IQCJ: variants seen among roughly 807,000 people sequenced by gnomAD.
IQCJ encodes the protein IQ domain-containing protein J.
IQCJ carries 9 observed loss-of-function variants against 11.0 expected under a neutral mutation model. The observed-to-expected ratio is 0.82, with a 90% CI of 0.49 to 1.43. The LOEUF (loss-of-function observed/expected upper bound fraction) is 1.43, where lower values mean the gene tolerates loss of function less well. IQCJ is among the 40% of genes most tolerant of loss of function. The pLI, the probability that IQCJ is intolerant of heterozygous loss-of-function variation, is 0.00. For synonymous variants in IQCJ, 55 were observed against 51.3 expected (o/e 1.07, Z -0.31); for missense variants, 146 against 133.2 (o/e 1.10, Z -0.47).
At position 159,192,534 on chromosome 3, in the gene IQCJ, T is replaced by C. The variant is rs562659492; in HGVS notation, c.10-53309T>C. 3.3e-5 allele frequency among the ~76,000 whole-genome samples: 5 copies of C among 152,278 alleles called. 1 individual carries two copies. In the South Asian group the frequency reaches 1.0e-3, roughly 32 times the overall value. ...GACCTCAGCTAGTCCTACTGGGAACTCTGGAGCTAGCATGGCCCTTCAGAG... is the reference window on the plus strand; with the variant it reads ...GACCTCAGCTAGTCCTACTGGGAACCCTGGAGCTAGCATGGCCCTTCAGAG... On this transcript the variant is annotated intron_variant, in intron 1 of 3. Transcript: ENST00000397832.
chr3:159,072,092 G>C (rs971449614), intron 1 of IQCJ, among the ~76,000 whole-genome samples: 1 of 152,130 alleles, frequency 6.6e-6, no homozygotes, highest in African/African-American at 2.4e-5. Context: ...GGAAGCTCCT[G>C]TTTAAAGATA....
intron 1 of IQCJ, among the ~76,000 whole-genome samples, chr3:159,234,391 G>T (rs969056617): frequency 6.6e-6 from 1 of 152,190 alleles, no homozygotes; most frequent in African/African-American, 2.4e-5. Context: ...AATGAATTTT[G>T]AAGAATTTCA....
intron 1 of IQCJ, among the ~76,000 whole-genome samples, chr3:159,216,227 C>A (rs1214445998): frequency 2.6e-5 from 4 of 152,182 alleles, no homozygotes; most frequent in African/African-American, 9.6e-5. Flanking sequence ...GTGCATCACA[C>A]AGATGTAGGT....
At chr3:159,074,154 T>G (rs1715761960) in intron 1 of IQCJ, among the ~76,000 whole-genome samples, 1 of 152,080 alleles carries the variant, frequency 6.6e-6, no homozygotes, top group South Asian at 2.1e-4. Flanking sequence ...AGAAGTAACA[T>G]GATCAAAATA....
At chr3:159,123,631 A>G (rs1210103753) in intron 1 of IQCJ, among the ~76,000 whole-genome samples, 2 of 152,152 alleles carry the variant, frequency 1.3e-5, no homozygotes, top group Non-Finnish European at 2.9e-5. Flanking sequence ...GCTGGGGGCT[A>G]GGCACTAAGG....
intron 1 of IQCJ, among the ~76,000 whole-genome samples, chr3:159,236,379 A>G (rs1726592877): frequency 6.6e-6 from 1 of 152,022 alleles, no homozygotes; most frequent in South Asian, 2.1e-4. Context: ...ATATGAGATG[A>G]CTATTAATGC....
chr3:159,241,596 C>T (rs899896860), intron 1 of IQCJ, among the ~76,000 whole-genome samples: 8 of 152,074 alleles, frequency 5.3e-5, no homozygotes, highest in African/African-American at 1.9e-4. Flanking sequence ...TCAGTTAGTA[C>T]CTGTCACAGA....
intron 3 of IQCJ, among the ~76,000 whole-genome samples, chr3:159,261,891 T>C (rs1728231381): frequency 6.6e-6 from 1 of 152,268 alleles, no homozygotes; most frequent in African/African-American, 2.4e-5. Flanking sequence ...TTGAATAATC[T>C]TTGTCCATTT....
intron 1 of IQCJ, among the ~76,000 whole-genome samples, chr3:159,182,372 T>C (rs1036878897): frequency 6.6e-6 from 1 of 151,968 alleles, no homozygotes; most frequent in African/African-American, 2.4e-5. Flanking sequence ...CCTTTACATG[T>C]GGAGTTCTGC....
At chr3:159,167,190 A>AT (rs1453004791) in intron 1 of IQCJ, among the ~76,000 whole-genome samples, 21 of 152,210 alleles carry the variant, frequency 1.4e-4, no homozygotes, top group Non-Finnish European at 1.9e-4. Flanking sequence ...AATCTACTGG[A>AT]TTCAGCTACT....
At chr3:159,108,292 T>C (rs1718399459) in intron 1 of IQCJ, among the ~76,000 whole-genome samples, 1 of 152,196 alleles carries the variant, frequency 6.6e-6, no homozygotes, top group Non-Finnish European at 1.5e-5. Context: ...GTTACTTCAT[T>C]TGCATTTATT....
At chr3:159,224,865 A>G (rs139719760) in intron 1 of IQCJ, among the ~76,000 whole-genome samples, 1 of 152,202 alleles carries the variant, frequency 6.6e-6, no homozygotes, top group Non-Finnish European at 1.5e-5. Context: ...AATATATAAC[A>G]AATTCTTTTT....
At chr3:159,153,240 C>T (rs1272488004) in intron 1 of IQCJ, among the ~76,000 whole-genome samples, 1 of 152,140 alleles carries the variant, frequency 6.6e-6, no homozygotes, top group African/African-American at 2.4e-5. Flanking sequence ...ACCATACATC[C>T]TTACAATGCA....
At chr3:159,151,722 A>G (rs556411088) in intron 1 of IQCJ, among the ~76,000 whole-genome samples, 11 of 152,096 alleles carry the variant, frequency 7.2e-5, no homozygotes, top group South Asian at 2.1e-4. Flanking sequence ...TGCAAGCTCC[A>G]CCTCCCAGGT....
At chr3:159,242,202 G>A (rs570674536) in intron 1 of IQCJ, among the ~76,000 whole-genome samples, 2 of 152,300 alleles carry the variant, frequency 1.3e-5, no homozygotes, top group African/African-American at 2.4e-5. Context: ...GTGGGGGTTC[G>A]TGTTACATAC....
At chr3:159,230,894 A>C (rs1221676012) in intron 1 of IQCJ, among the ~76,000 whole-genome samples, 2 of 152,170 alleles carry the variant, frequency 1.3e-5, no homozygotes, top group Non-Finnish European at 2.9e-5. Context: ...GGGGGTGTGT[A>C]GGAAAAATAG....
intron 1 of IQCJ, among the ~76,000 whole-genome samples, chr3:159,200,056 A>T (rs1320079881): frequency 1.5e-5 from 2 of 131,426 alleles, no homozygotes; most frequent in Non-Finnish European, 3.2e-5. Context: ...ATAAATCTAA[A>T]TTATATATAT....
intron 1 of IQCJ, among the ~76,000 whole-genome samples, chr3:159,150,815 A>G (rs1415416104): frequency 6.6e-6 from 1 of 152,164 alleles, no homozygotes; most frequent in Non-Finnish European, 1.5e-5. Context: ...CCTCATAAGC[A>G]CATTCTGCCA....
At chr3:159,118,684 T>C (rs1719172424) in intron 1 of IQCJ, among the ~76,000 whole-genome samples, 1 of 152,214 alleles carries the variant, frequency 6.6e-6, no homozygotes, top group African/African-American at 2.4e-5. Flanking sequence ...CGACCTCAGC[T>C]TCTGTGTAGG....
Sources: gnomAD v4.1 joint callset for allele counts (sites outside exome capture counted in the v4.1 genomes callset) on GRCh38, gnomAD v4.1.1 for gene constraint, MANE v1.5 for transcripts, NCBI Gene and HGNC (gene_info 2026-07-23, HGNC 2026-07-21) for gene names.